Variants in TVP23C observed in about 807,000 individuals in gnomAD.
TVP23C encodes the protein trans-golgi network vesicle protein 23 homolog C, also known as Golgi apparatus membrane protein TVP23 homolog C.
Under a neutral mutation model 28.7 loss-of-function variants are expected in TVP23C, and 19 were observed. The ratio of observed to expected loss-of-function variants is 0.66; its 90% CI spans 0.46 to 0.97. The LOEUF (loss-of-function observed/expected upper bound fraction) is 0.97, where lower values mean the gene tolerates loss of function less well. TVP23C is among the 50% of genes least tolerant of loss of function. The probability of loss-of-function intolerance (pLI) is 0.00; values close to 1 mark genes in which losing one functional copy is unlikely to be tolerated. For synonymous variants in TVP23C, 68 were observed against 81.7 expected (o/e 0.83, Z 0.90); for missense variants, 186 against 241.3 (o/e 0.77, Z 1.52).
chr17:15,544,123 C>T (rs916592149), intron 5 of TVP23C, among the ~76,000 whole-genome samples: 4 of 151,344 alleles, frequency 2.6e-5, no homozygotes, highest in African/African-American at 9.7e-5. Context: ...TAAGCCTGGC[C>T]TCAGACTTCT....
intron 5 of TVP23C, among the ~76,000 whole-genome samples, chr17:15,544,297 G>A (rs1405930048): frequency 6.6e-6 from 1 of 152,154 alleles, no homozygotes; most frequent in Non-Finnish European, 1.5e-5. Context: ...ATAAGTAAAA[G>A]GAGAAGCTGC....
rs546242229 is a variant in TVP23C, at chr17:15,503,001, T to C, written c.694A>G (p.Asn232Asp). The C allele has an allele frequency of 6.2e-6, 10 of 1,614,152 alleles. No individual in the cohort carries two copies. The East Asian group carries it at 1.8e-4, about 29-fold the overall frequency. ...CGGGCGGGCGCCATCTGTTGGCAGT[T>C]GCCTGGAGCCGCACGAAGAGGTGGA... is the stretch of plus-strand genomic sequence containing the variant. Residue 232 changes from asparagine to aspartate, a missense_variant, in exon 6 of 6, where the codon AAC (asparagine) becomes GAC (aspartate). Asn to Asp is a conservative substitution (Grantham distance 23). Transcript: ENST00000225576.
At chr17:15,522,277 A>C (rs1335793995) in intron 5 of TVP23C, among the ~76,000 whole-genome samples, 1 of 152,244 alleles carries the variant, frequency 6.6e-6, no homozygotes, top group Non-Finnish European at 1.5e-5. Flanking sequence ...TATGAAACAT[A>C]AAACAGAAAC....
chr17:15,560,436 G>A (rs1472198789), intron 1 of TVP23C, among the ~76,000 whole-genome samples: 2 of 149,690 alleles, frequency 1.3e-5, no homozygotes, highest in East Asian at 1.9e-4. Flanking sequence ...GAGAGGGGAA[G>A]AGAGACTGAC....
intron 1 of TVP23C, among the ~76,000 whole-genome samples, chr17:15,561,279 T>G (rs1457919972): frequency 6.6e-6 from 1 of 152,182 alleles, no homozygotes; most frequent in East Asian, 1.9e-4. Flanking sequence ...AGGGCTCGAC[T>G]GAGGTTCACA....
At position 15,558,351 on chromosome 17, in the gene TVP23C, T is replaced by C. The variant is rs1233306909; in HGVS notation, c.13-2987A>G. 4.2e-5 allele frequency among the ~76,000 whole-genome samples: 6 copies of C among 144,032 alleles called. No individual in the cohort carries two copies. The East Asian group carries it at 8.0e-4, about 19-fold the overall frequency. 94.5% of individuals were successfully genotyped at this position (144,032 alleles called of 152,430 possible). A position where few individuals can be genotyped will look rare whatever the true frequency, so the allele number is the denominator to read the frequency against. ...GTCCCTGCCAATCTCTAAGACCTTA[T>C]CTCAGGCCACTCACTCTTCATTAAC... is the stretch of plus-strand genomic sequence containing the variant. On this transcript the variant is annotated intron_variant, in intron 1 of 5. Transcript: ENST00000518321.
In TVP23C at chr17:15,540,127, T is replaced by C; in HGVS notation, c.*285A>G. The stretch of plus-strand genomic sequence containing the variant: ...AAATAAAAACATACAACATACATTC[T>C]GCAAGGGCATTCACTTAAAGCTCCC... On this transcript the variant is annotated 3_prime_UTR_variant, in exon 6 of 6. Transcript: ENST00000518321. 2 of 1,244,306 alleles carry C rather than the reference T, an allele frequency of 1.6e-6. No homozygotes were observed. The highest frequency in any genetic ancestry group is 2.0e-6 in the Non-Finnish European group (2 of 993,558). The allele number at this position is 1,244,306 out of a possible 1,614,324, so 77.1% of individuals were successfully genotyped here. A position where few individuals can be genotyped will look rare whatever the true frequency, so the allele number is the denominator to read the frequency against.
chr17:15,554,887 T>C (rs1479993309), intron 2 of TVP23C, among the ~76,000 whole-genome samples: 1 of 152,250 alleles, frequency 6.6e-6, no homozygotes, highest in Non-Finnish European at 1.5e-5. Context: ...AGGGTTCAAG[T>C]AGAATTTGCT....
At chr17:15,514,249 C>T (rs1982129028) in intron 5 of TVP23C, among the ~76,000 whole-genome samples, 1 of 150,154 alleles carries the variant, frequency 6.7e-6, no homozygotes, top group Admixed American at 6.6e-5. Flanking sequence ...AATACCATAG[C>T]CTGTGTGGCT....
At chr17:15,527,876 G>T (rs1303996345) in intron 5 of TVP23C, among the ~76,000 whole-genome samples, 1 of 152,232 alleles carries the variant, frequency 6.6e-6, no homozygotes, top group African/African-American at 2.4e-5. Context: ...ATGCTCGAAT[G>T]CTTACATAAC....
Position 15,537,654 on chromosome 17 carries a change from T to C in TVP23C, c.*2758A>G. On this transcript the variant is annotated 3_prime_UTR_variant, in exon 6 of 6. Coordinates refer to ENST00000518321, the MANE Select transcript of TVP23C (RefSeq NM_001135036.2). ...TAAAAACTAACAATTATTTCTAACT[T>C]ATACATAAGCCAAAGTGCTCACTCT... 2 of 985,452 alleles carry C rather than the reference T, an allele frequency of 2.0e-6. No individual in the cohort carries two copies. Among genetic ancestry groups the C allele is most frequent in the Non-Finnish European group, 2.4e-6 (2 of 829,806 alleles). 61.0% of individuals were successfully genotyped at this position (985,452 alleles called of 1,614,324 possible).
intron 1 of TVP23C, 75 bp downstream of exon 1, chr17:15,563,362 G>A: frequency 2.6e-6 from 4 of 1,536,764 alleles, no homozygotes; most frequent in Middle Eastern, 2.3e-4. Flanking sequence ...CGGGGGACGC[G>A]GGCTCCAGTC....
intron 5 of TVP23C, among the ~76,000 whole-genome samples, chr17:15,515,068 A>C (rs1982165835): frequency 6.6e-6 from 1 of 152,156 alleles, no homozygotes; most frequent in Non-Finnish European, 1.5e-5. Context: ...CACAGCTGCC[A>C]GAATACACAA....
chr17:15,503,161 G>T, exon 6 of TVP23C: 1 of 1,595,338 alleles, frequency 6.3e-7, no homozygotes, highest in Non-Finnish European at 8.5e-7. Context: ...CAGCGCTTTG[G>T]AAGGCGGAAG....
intron 1 of TVP23C, among the ~76,000 whole-genome samples, chr17:15,558,305 A>G (rs1984222610): frequency 7.0e-6 from 1 of 142,752 alleles, no homozygotes; most frequent in African/African-American, 2.5e-5. Flanking sequence ...CAGACTCCCT[A>G]TCATGACCTA....
At chr17:15,520,677 A>C (rs1430046182) in intron 5 of TVP23C, among the ~76,000 whole-genome samples, 2 of 152,194 alleles carry the variant, frequency 1.3e-5, no homozygotes, top group Non-Finnish European at 2.9e-5. Context: ...CAAAGCTTTC[A>C]ACATTTTACC....
intron 2 of TVP23C, among the ~76,000 whole-genome samples, chr17:15,555,009 G>C (rs1984066538): frequency 6.6e-6 from 1 of 152,166 alleles, no homozygotes; most frequent in South Asian, 2.1e-4. Flanking sequence ...ACTATATAAA[G>C]AAATGGTACA....
chr17:15,513,531 G>A (rs1261128350), intron 5 of TVP23C, among the ~76,000 whole-genome samples: 2 of 152,198 alleles, frequency 1.3e-5, no homozygotes, highest in African/African-American at 2.4e-5. Flanking sequence ...GATAGCAAGG[G>A]ACCAAGATTT....
intron 5 of TVP23C, among the ~76,000 whole-genome samples, chr17:15,543,969 C>T (rs190093537): frequency 0.019 from 2,816 of 152,134 alleles, 90 homozygotes; most frequent in African/African-American, 0.062. Flanking sequence ...AAAAAATTTT[C>T]CTGATTCCAA....
Sources: gnomAD v4.1 joint callset for allele counts (sites outside exome capture counted in the v4.1 genomes callset) on GRCh38, gnomAD v4.1.1 for gene constraint, MANE v1.5 for transcripts, NCBI Gene and HGNC (gene_info 2026-07-23, HGNC 2026-07-21) for gene names.